Variants in UNC5C observed in about 807,000 individuals in gnomAD.
UNC5C encodes the protein netrin receptor UNC5C.
A neutral mutation model predicts 99.8 loss-of-function variants in UNC5C; 47 were observed. The ratio of observed to expected loss-of-function variants is 0.47; its 90% confidence interval spans 0.37 to 0.60. The LOEUF (loss-of-function observed/expected upper bound fraction) is 0.60. Among genes scored for constraint, UNC5C ranks in the 20% least tolerant of loss-of-function variants. The pLI is 0.00. For synonymous variants in UNC5C, 487 were observed against 452.2 expected (o/e 1.08, Z -0.98); for missense variants, 1,062 against 1,165.9 (o/e 0.91, Z 1.30).
At chr4:95,420,894 C>A (rs1746300034) in intron 1 of UNC5C, among the ~76,000 whole-genome samples, 1 of 152,178 alleles carries the variant, frequency 6.6e-6, no homozygotes, top group Admixed American at 6.5e-5. Flanking sequence ...TCTATAAAAT[C>A]ATGGGATTAG....
intron 1 of UNC5C, among the ~76,000 whole-genome samples, chr4:95,485,259 C>T (rs758515969): frequency 1.6e-4 from 25 of 151,740 alleles, no homozygotes; most frequent in Non-Finnish European, 2.7e-4. Context: ...ATATCTTATG[C>T]TAAGACAGAA....
intron 4 of UNC5C, among the ~76,000 whole-genome samples, chr4:95,252,271 G>T (rs1277051216): frequency 1.3e-5 from 2 of 152,142 alleles, no homozygotes; most frequent in Non-Finnish European, 2.9e-5. Flanking sequence ...TTTTTGAGTG[G>T]AATCTTTACC....
At chr4:95,198,768 A>G (rs7681302) in intron 12 of UNC5C, among the ~76,000 whole-genome samples, 107,629 of 152,018 alleles carry the variant, frequency 0.71, 39,602 homozygotes, top group Admixed American at 0.84. Context: ...CGCTGGAGGC[A>G]TTGTGAGGTG....
At chr4:95,294,352 G>A (rs1282613504) in intron 3 of UNC5C, among the ~76,000 whole-genome samples, 2 of 152,188 alleles carry the variant, frequency 1.3e-5, no homozygotes, top group Non-Finnish European at 2.9e-5. Context: ...AGTGAGCTGT[G>A]AGAGGAAGCC....
chr4:95,458,915 C>T (rs568348756), intron 1 of UNC5C, among the ~76,000 whole-genome samples: 1 of 152,044 alleles, frequency 6.6e-6, no homozygotes, highest in South Asian at 2.1e-4. Flanking sequence ...AGCCTTATCC[C>T]TTAACATATA....
chr4:95,268,095 G>A (rs1024705652), intron 4 of UNC5C, among the ~76,000 whole-genome samples: 4 of 151,664 alleles, frequency 2.6e-5, no homozygotes, highest in South Asian at 2.1e-4. Context: ...GACTACAGGC[G>A]CCCGCCACCG....
At chr4:95,245,881 CAAT>C (rs1162971017) in intron 5 of UNC5C, among the ~76,000 whole-genome samples, 1 of 152,150 alleles carries the variant, frequency 6.6e-6, no homozygotes, top group African/African-American at 2.4e-5. Context: ...TTTAATACTT[CAAT>C]AATGTGAGTC....
chr4:95,435,160 A>T (rs1255630914), intron 1 of UNC5C, among the ~76,000 whole-genome samples: 1 of 152,082 alleles, frequency 6.6e-6, no homozygotes, highest in African/African-American at 2.4e-5. Context: ...TTGCATGATT[A>T]CTAAGTGGCC....
intron 4 of UNC5C, among the ~76,000 whole-genome samples, chr4:95,271,324 T>C (rs941944635): frequency 1.3e-5 from 2 of 151,974 alleles, no homozygotes; most frequent in Non-Finnish European, 2.9e-5. Context: ...GCCTCCTGGG[T>C]TCACGCCATT....
At position 95,385,813 on chromosome 4, in the gene UNC5C, C is replaced by A. The variant is rs554444591; in HGVS notation, c.125-50182G>T. Among the ~76,000 whole-genome samples, 396 of 152,246 alleles carry A rather than the reference C, an allele frequency of 2.6e-3. 1 individual carries two copies. The highest frequency in any genetic ancestry group is 4.0e-3 in the Non-Finnish European group (275 of 68,020). On this transcript the variant is annotated intron_variant, in intron 1 of 15. Transcript: ENST00000453304. ...CCAGTCTTGTTTTTCTATTTAATAT[C>A]TTTTTGAATTCTAATATATCCAGAA...
chr4:95,360,783 G>A lies in UNC5C; in HGVS notation c.125-25152C>T, dbSNP rs564126614. 2.3e-4 allele frequency among the ~76,000 whole-genome samples: 35 copies of A among 152,220 alleles called. No individual in the cohort carries two copies. The South Asian group carries it at 7.1e-3, about 31-fold the overall frequency. ...ACGGTATCCATTTCCTTTCTCCAAG[G>A]CCTCTGTTTTATTAAACCTCCAAAA... On this transcript the variant is annotated intron_variant, in intron 1 of 15. Coordinates refer to ENST00000453304, the MANE Select transcript of UNC5C (RefSeq NM_003728.4).
chr4:95,288,656 C>CT (rs1285307956), intron 3 of UNC5C, among the ~76,000 whole-genome samples: 5 of 152,218 alleles, frequency 3.3e-5, no homozygotes, highest in South Asian at 2.1e-4. Context: ...TCTGGAGTTT[C>CT]TTAGGGAGAG....
intron 2 of UNC5C, among the ~76,000 whole-genome samples, chr4:95,306,797 T>C (rs1742077361): frequency 6.6e-6 from 1 of 152,104 alleles, no homozygotes; most frequent in South Asian, 2.1e-4. Context: ...ACTGCAGAGC[T>C]CCCTCCACCA....
At chr4:95,301,549 T>A in intron 3 of UNC5C, 57 bp downstream of exon 3, 1 of 1,608,358 alleles carries the variant, frequency 6.2e-7, no homozygotes, top group Admixed American at 1.7e-5. Context: ...CAGTGTAAAC[T>A]TTCCCTTATG....
chr4:95,372,350 T>C (rs1744772637), intron 1 of UNC5C, among the ~76,000 whole-genome samples: 2 of 152,176 alleles, frequency 1.3e-5, no homozygotes, highest in Non-Finnish European at 2.9e-5. Context: ...AACAGCTGCT[T>C]TCTAAGTGTT....
intron 14 of UNC5C, among the ~76,000 whole-genome samples, chr4:95,171,268 A>C (rs1736091328): frequency 1.3e-5 from 2 of 151,460 alleles, no homozygotes; most frequent in South Asian, 4.2e-4. Flanking sequence ...GTTTTAGGGT[A>C]CATGTGCACA....
chr4:95,529,139 C>T (rs558001096), intron 1 of UNC5C, among the ~76,000 whole-genome samples: 1 of 151,368 alleles, frequency 6.6e-6, no homozygotes, highest in Non-Finnish European at 1.5e-5. Context: ...ATATGTTATG[C>T]TATTCTGTCT....
intron 2 of UNC5C, among the ~76,000 whole-genome samples, chr4:95,308,771 A>AAG (rs1742155152): frequency 6.7e-6 from 1 of 150,064 alleles, no homozygotes; most frequent in African/African-American, 2.4e-5. Flanking sequence ...AAAAAAAAAA[A>AAG]AAAAAAAAAA....
Position 95,397,943 on chromosome 4 carries a change from T to C in UNC5C, c.125-62312A>G, listed in dbSNP as rs1383932567. On this transcript the variant is annotated intron_variant, in intron 1 of 15. Transcript: ENST00000453304. ...TTAATTGTCTGCATTCTGCCCCATC[T>C]TCATAATTCAATGTGTCCAGTCCTA... Among the ~76,000 whole-genome samples, 4 of 152,216 alleles carry C rather than the reference T, an allele frequency of 2.6e-5. No individual in the cohort carries two copies. The East Asian group carries it at 7.7e-4, about 29-fold the overall frequency.
Sources: allele counts gnomAD v4.1 joint callset (sites outside exome capture counted in the v4.1 genomes callset), GRCh38; gene constraint gnomAD v4.1.1; transcripts MANE v1.5; gene names NCBI Gene and HGNC (gene_info 2026-07-23, HGNC 2026-07-21).